Variants in TRPC7 observed in about 807,000 individuals in gnomAD.
TRPC7 encodes the protein transient receptor potential cation channel subfamily C member 7, also known as short transient receptor potential channel 7.
Under a neutral mutation model 90.1 loss-of-function variants are expected in TRPC7, and 42 were observed. The ratio of observed to expected loss-of-function variants is 0.47; its 90% CI spans 0.36 to 0.60. TRPC7 has a LOEUF of 0.60. Among genes scored for constraint, TRPC7 ranks in the 20% least tolerant of loss-of-function variants. The probability of loss-of-function intolerance (pLI) is 0.00; values close to 1 mark genes in which losing one functional copy is unlikely to be tolerated. For missense variants in TRPC7, 955 were observed against 1,112.3 expected (o/e 0.86, Z 2.01); for synonymous variants, 451 against 436.3 (o/e 1.03, Z -0.42).
chr5:136,273,739 G>C (rs1159379857), intron 4 of TRPC7, among the ~76,000 whole-genome samples: 1 of 152,182 alleles, frequency 6.6e-6, no homozygotes, highest in African/African-American at 2.4e-5. Flanking sequence ...ACTGAATGTT[G>C]ATTACCTAAG....
intron 2 of TRPC7, among the ~76,000 whole-genome samples, chr5:136,326,774 ACAAGT>A (rs1759360200): frequency 6.6e-6 from 1 of 152,188 alleles, no homozygotes; most frequent in Admixed American, 6.5e-5. Flanking sequence ...AAAGAGTGCA[ACAAGT>A]CAAGAGAGGG....
At chr5:136,216,329 G>A (rs1755268002) in intron 10 of TRPC7, 54 bp from the exon 11 acceptor site, 2 of 1,439,988 alleles carry the variant, frequency 1.4e-6, no homozygotes, top group South Asian at 2.4e-5. Flanking sequence ...TGCAGAGGCA[G>A]CCTGCGTGGT....
At chr5:136,315,495 G>T in intron 3 of TRPC7, 102 bp downstream of exon 3, 2 of 1,279,652 alleles carry the variant, frequency 1.6e-6, no homozygotes, top group Admixed American at 2.3e-5. Context: ...TGTCATCATG[G>T]TCACCCTGTG....
rs781601567 is a variant in TRPC7 at position 136,247,709 on chromosome 5, G to C, written c.1606C>G (p.Pro536Ala). The C allele has an allele frequency of 6.2e-7, 1 of 1,613,304 alleles. No homozygotes were observed. Among genetic ancestry groups the C allele is most frequent in the Admixed American group, 1.7e-5 (1 of 60,006 alleles). Residue 536 changes from proline (P) to alanine (A), a missense_variant, in exon 7 of 12, where the codon CCT becomes GCT. This residue lies in a region of TRPC7 where 296 missense variants were observed against 422.7 expected (regional missense o/e 0.70). Transcript: ENST00000513104. The surrounding 1 kb of genome is among the most constrained non-coding windows in gnomAD (Gnocchi z 4.2). ...YARDKWWPSD[P>A]QIISEGLYAI... ...TAGAGCCCTTCCGATATGATCTGAGGGTCTGAAGGCCACCACTTGTCCCTG... is the reference window on the plus strand; with the variant it reads ...TAGAGCCCTTCCGATATGATCTGAGCGTCTGAAGGCCACCACTTGTCCCTG...
In TRPC7 at chr5:136,247,700, T is replaced by A. The variant is rs757670330; in HGVS notation, c.1615A>T (p.Ile539Leu). 8 of 1,613,778 alleles carry A rather than the reference T, an allele frequency of 5.0e-6. No individual in the cohort carries two copies. In the African/African-American group the frequency reaches 5.3e-5, roughly 11 times the overall value. The part of the protein sequence containing the change: ...DKWWPSDPQI[I>L]SEGLYAIAVV... ...GCTATCGCGTAGAGCCCTTCCGATATGATCTGAGGGTCTGAAGGCCACCAC... is the reference window on the plus strand; with the variant it reads ...GCTATCGCGTAGAGCCCTTCCGATAAGATCTGAGGGTCTGAAGGCCACCAC... Residue 539 changes from isoleucine to leucine, a missense_variant, in exon 7 of 12, where the codon ATA (isoleucine) becomes TTA (leucine). By Grantham distance (5) the Ile-to-Leu change is conservative. Transcript: ENST00000513104. This position sits in a 1 kb window ranked among gnomAD's most constrained non-coding sequence, Gnocchi z 4.2.
intron 3 of TRPC7, among the ~76,000 whole-genome samples, chr5:136,312,495 C>CAA (rs977650060): frequency 6.6e-6 from 1 of 150,746 alleles, no homozygotes; most frequent in Admixed American, 6.6e-5. Context: ...CACACACACA[C>CAA]AAAAAAAAAC....
chr5:136,232,379 A>G (rs1466302114), intron 7 of TRPC7, among the ~76,000 whole-genome samples: 1 of 152,184 alleles, frequency 6.6e-6, no homozygotes, highest in African/African-American at 2.4e-5. Flanking sequence ...AAGCCTCATG[A>G]CCAGCTCTGT....
At chr5:136,294,274 C>T (rs1162607224) in intron 3 of TRPC7, among the ~76,000 whole-genome samples, 1 of 152,068 alleles carries the variant, frequency 6.6e-6, no homozygotes, top group East Asian at 1.9e-4. Flanking sequence ...GCAACAAAAG[C>T]CAAAACTGAC....
chr5:136,294,854 G>A (rs920901835), intron 3 of TRPC7, among the ~76,000 whole-genome samples: 2 of 152,140 alleles, frequency 1.3e-5, no homozygotes, highest in African/African-American at 2.4e-5. Flanking sequence ...GTTTGTTGCG[G>A]CACTATTCAC....
At chr5:136,300,767 A>T (rs899089254) in intron 3 of TRPC7, among the ~76,000 whole-genome samples, 1 of 152,208 alleles carries the variant, frequency 6.6e-6, no homozygotes, top group South Asian at 2.1e-4. Context: ...CCCAAGGGGC[A>T]GTTACAGGTA....
In TRPC7 at chr5:136,247,781, T is replaced by C; in HGVS notation, c.1580-46A>G. ...TTACTCACGAGGCCACAGGATCTAT[T>C]CTAGAAGAGAAACCAGTTAGGCATC... On this transcript the variant is annotated intron_variant, in intron 6 of 11. Coordinates refer to ENST00000513104, the MANE Select transcript of TRPC7 (RefSeq NM_020389.3). The surrounding 1 kb of genome is among the most constrained non-coding windows in gnomAD (Gnocchi z 4.2). 1 of 1,571,444 alleles carries C rather than the reference T, an allele frequency of 6.4e-7. No individual in the cohort carries two copies. The highest frequency in any genetic ancestry group is 1.7e-4 in the Middle Eastern group (1 of 5,818).
In TRPC7 at chr5:136,213,310, G is replaced by T; in HGVS notation, c.*125C>A. On this transcript the variant is annotated 3_prime_UTR_variant, in exon 12 of 12. Coordinates refer to ENST00000513104, the MANE Select transcript of TRPC7 (RefSeq NM_020389.3). ...TGTCAGTCATGCTGCAAGAGACTGA[G>T]CCAGGAGATCCCCTTCGTGTCCTAG... 2 of 970,502 alleles carry T rather than the reference G, an allele frequency of 2.1e-6. No individual in the cohort carries two copies. The highest frequency in any genetic ancestry group is 1.5e-6 in the Non-Finnish European group (1 of 654,688). The allele number at this position is 970,502 out of a possible 1,614,324, so 60.1% of individuals were successfully genotyped here.
chr5:136,266,186 C>T, intron 5 of TRPC7, 34 bp downstream of exon 5: 1 of 1,560,022 alleles, frequency 6.4e-7, no homozygotes, highest in African/African-American at 1.4e-5. Flanking sequence ...CTATAATTAG[C>T]AAGGAGAGAA....
At chr5:136,317,715 C>T (rs1759065249) in intron 2 of TRPC7, among the ~76,000 whole-genome samples, 1 of 152,202 alleles carries the variant, frequency 6.6e-6, no homozygotes. Flanking sequence ...ACAGACACTG[C>T]CCTGTTGGCT....
At position 136,337,573 on chromosome 5, in the gene TRPC7, G is replaced by A. The variant is rs369685898; in HGVS notation, c.780+19035C>T. On this transcript the variant is annotated intron_variant, in intron 2 of 11. Coordinates refer to ENST00000513104, the MANE Select transcript of TRPC7 (RefSeq NM_020389.3). ...CTCAGCTACTCAAGAGGCTGAGGCA[G>A]GAGAATCACTTGAACCTGGGAGACA... 2.2e-4 allele frequency among the ~76,000 whole-genome samples: 34 copies of A among 151,854 alleles called. No individual in the cohort carries two copies. In the East Asian group the frequency reaches 4.3e-3, roughly 19 times the overall value.
intron 3 of TRPC7, among the ~76,000 whole-genome samples, chr5:136,287,964 A>G (rs538559456): frequency 1.9e-4 from 29 of 152,316 alleles, no homozygotes; most frequent in African/African-American, 6.7e-4. Context: ...ACACTGAGCC[A>G]GACTTCATAT....
intron 3 of TRPC7, among the ~76,000 whole-genome samples, chr5:136,311,814 G>T (rs182643733): frequency 7.2e-5 from 11 of 152,280 alleles, no homozygotes; most frequent in Admixed American, 5.9e-4. Context: ...CAGGGACTGT[G>T]GCCTAGAGGG....
chr5:136,359,166 G>A (rs775752138), intron 1 of TRPC7, among the ~76,000 whole-genome samples: 13 of 151,992 alleles, frequency 8.6e-5, no homozygotes, highest in Non-Finnish European at 1.3e-4. Flanking sequence ...TGTACCTTTC[G>A]ACCTGCTCAA....
At chr5:136,254,761 G>A (rs965120502) in intron 5 of TRPC7, among the ~76,000 whole-genome samples, 4 of 152,134 alleles carry the variant, frequency 2.6e-5, no homozygotes, top group Admixed American at 6.5e-5. Flanking sequence ...TAAGGCCATA[G>A]CTGCCATATA....
Sources: gnomAD v4.1 joint callset for allele counts (sites outside exome capture counted in the v4.1 genomes callset) on GRCh38, gnomAD v4.1.1 for gene constraint, gnomAD v4.1.1 regional missense constraint, Gnocchi (gnomAD v3.1) non-coding constraint, MANE v1.5 for transcripts, NCBI Gene and HGNC (gene_info 2026-07-23, HGNC 2026-07-21) for gene names.